Variants in BCO1 observed in about 807,000 individuals in gnomAD.
BCO1 encodes beta,beta-carotene 15,15'-dioxygenase.
BCO1 carries 54 observed loss-of-function variants against 56.3 expected under a neutral mutation model. The observed-to-expected ratio is 0.96, with a 90% CI of 0.77 to 1.20. BCO1 has a LOEUF of 1.20. BCO1 is among the 50% of genes most tolerant of loss of function. The pLI is 0.00. For synonymous variants in BCO1, 318 were observed against 266.1 expected (o/e 1.20, Z -1.90); for missense variants, 801 against 690.9 (o/e 1.16, Z -1.79).
At chr16:81,255,883 T>G (rs547396775) in intron 2 of BCO1, among the ~76,000 whole-genome samples, 6 of 152,038 alleles carry the variant, frequency 3.9e-5, no homozygotes, top group Admixed American at 2.0e-4. Context: ...TGGACTTCAG[T>G]GGCACGATTT....
chr16:81,272,060 TTTTTATGGA>T (rs1387357128), intron 7 of BCO1, among the ~76,000 whole-genome samples: 2 of 151,966 alleles, frequency 1.3e-5, no homozygotes, highest in African/African-American at 4.8e-5. Flanking sequence ...ACTTCATTTC[TTTTTATGGA>T]TTAATAGGTA....
rs761882293 is a variant in BCO1, at chr16:81,268,001, G to A, written c.713G>A (p.Ser238Asn). 1 of 1,613,968 alleles carries A rather than the reference G, an allele frequency of 6.2e-7. No homozygotes were observed. Among genetic ancestry groups the A allele is most frequent in the Non-Finnish European group, 8.5e-7 (1 of 1,180,030 alleles). Residue 238 changes from serine to asparagine, a missense_variant, in exon 6 of 11, where the codon AGC (serine) becomes AAC (asparagine). Transcript: ENST00000258168. ...CTGCTCTCCCCAAGCTACTACCACA[G>A]CTTTGGAGTCACCGAGAACTATGTC... is the stretch of plus-strand genomic sequence containing the variant. ...RSLLSPSYYHSFGVTENYVIF... is the reference protein window; with the variant it reads ...RSLLSPSYYHNFGVTENYVIF...
intron 5 of BCO1, 27 bp downstream of exon 5, chr16:81,264,814 A>G (rs1164811083): frequency 2.5e-6 from 4 of 1,613,246 alleles, no homozygotes; most frequent in Non-Finnish European, 3.4e-6. Context: ...AATTGAATAA[A>G]ACACAAACAA....
Position 81,246,173 on chromosome 16 carries a change from ATC to A in BCO1, c.193+583_193+584del, listed in dbSNP as rs1010629128. Among the ~76,000 whole-genome samples, 3 of 151,136 alleles carry A rather than the reference ATC, an allele frequency of 2.0e-5. No homozygotes were observed. In the East Asian group the frequency reaches 5.9e-4, roughly 30 times the overall value. On this transcript the variant is annotated intron_variant, in intron 2 of 10. Coordinates refer to ENST00000258168, the MANE Select transcript of BCO1 (RefSeq NM_017429.3). ...CAGCAGCAGAGCATCTTGTCTTGCAATCTCTCTCTCTCTCCTTCCATCCTCAC... is the reference window on the plus strand; with the variant it reads ...CAGCAGCAGAGCATCTTGTCTTGCAATCTCTCTCTCTCCTTCCATCCTCAC...
chr16:81,266,294 G>A (rs1468015989), intron 5 of BCO1, among the ~76,000 whole-genome samples: 1 of 152,158 alleles, frequency 6.6e-6, no homozygotes, highest in Non-Finnish European at 1.5e-5. Flanking sequence ...GGAGGCGGAG[G>A]CTCTTAGCCC....
intron 1 of BCO1, among the ~76,000 whole-genome samples, chr16:81,243,491 C>A (rs989945409): frequency 8.0e-6 from 1 of 124,734 alleles, no homozygotes; most frequent in African/African-American, 3.1e-5. Context: ...ATTTATGAGA[C>A]GGAGTCTTGC....
At chr16:81,268,771 G>A (rs942244068) in intron 6 of BCO1, among the ~76,000 whole-genome samples, 2 of 152,042 alleles carry the variant, frequency 1.3e-5, no homozygotes, top group Admixed American at 6.6e-5. Context: ...TACTTGTTGG[G>A]TTTTTATTGT....
intron 2 of BCO1, among the ~76,000 whole-genome samples, chr16:81,253,975 G>T (rs987740414): frequency 6.6e-6 from 1 of 152,052 alleles, no homozygotes; most frequent in Non-Finnish European, 1.5e-5. Context: ...AAAGGAGAAA[G>T]AAATATCTCA....
intron 4 of BCO1, chr16:81,263,391 A>G (rs1906621019): frequency 6.6e-6 from 1 of 152,090 alleles, no homozygotes; most frequent in South Asian, 2.1e-4. Flanking sequence ...GCACCCAACC[A>G]TGTTCTGCCT....
intron 2 of BCO1, among the ~76,000 whole-genome samples, chr16:81,251,837 C>G (rs980001808): frequency 1.4e-5 from 2 of 145,592 alleles, no homozygotes; most frequent in South Asian, 4.3e-4. Context: ...TATATACCCA[C>G]ACACACACAC....
At chr16:81,270,692 C>CTGTGTGTGTGTGTGTGTGTGTGTG (rs58969930) in intron 7 of BCO1, among the ~76,000 whole-genome samples, 1 of 143,694 alleles carries the variant, frequency 7.0e-6, no homozygotes, top group South Asian at 2.3e-4. Flanking sequence ...CTCTCTGTGT[C>CTGTGTGTGTGTGTGTGTGTGTGTG]TGTGTGTGTG....
At chr16:81,256,017 T>C (rs1343751054) in intron 2 of BCO1, among the ~76,000 whole-genome samples, 3 of 151,982 alleles carry the variant, frequency 2.0e-5, no homozygotes, top group South Asian at 2.1e-4. Flanking sequence ...AGTTTCCCCA[T>C]GTTGGCCAGG....
chr16:81,259,986 A>G (rs559423220), intron 3 of BCO1, among the ~76,000 whole-genome samples, 181 bp downstream of exon 3: 67 of 152,362 alleles, frequency 4.4e-4, no homozygotes, highest in African/African-American at 1.5e-3. Flanking sequence ...GACTAAGAGC[A>G]TTTGACAAAT....
chr16:81,287,372 T>C lies in BCO1; in HGVS notation c.1380T>C (p.Phe460=). ...EDDCWPAEPL[F]VPAPGAKDED... ...ACTGCTGGCCAGCGGAACCCCTGTT[T>C]GTGCCCGCGCCAGGTGCCAAGGATG... Residue 460 remains phenylalanine (F), a synonymous_variant, in exon 10 of 11, where the codon TTT becomes TTC. Transcript: ENST00000258168. The C allele has an allele frequency of 6.2e-7, 1 of 1,614,066 alleles. No individual in the cohort carries two copies. Among genetic ancestry groups the C allele is most frequent in the Non-Finnish European group, 8.5e-7 (1 of 1,179,984 alleles).
chr16:81,268,739 G>A (rs80070823), intron 6 of BCO1, among the ~76,000 whole-genome samples: 6,876 of 152,224 alleles, frequency 0.045, 239 homozygotes, highest in Non-Finnish European at 0.071. Flanking sequence ...ATGGGTGTAT[G>A]TATGTATTAC....
At chr16:81,287,192 T>C (rs1437074814) in intron 9 of BCO1, 103 bp from the exon 10 acceptor site, 2 of 888,670 alleles carry the variant, frequency 2.3e-6, no homozygotes, top group Non-Finnish European at 3.8e-6. Context: ...CTACATCCGA[T>C]GGGCTTCATC....
At position 81,262,209 on chromosome 16, in the gene BCO1, G is replaced by A. The variant is rs1209690264; in HGVS notation, c.397G>A (p.Glu133Lys). 8.7e-6 allele frequency: 14 copies of A among 1,613,794 alleles called. No homozygotes were observed. The highest frequency in any genetic ancestry group is 1.3e-5 in the African/African-American group (1 of 74,906). The change falls in exon 4 of 11, where the codon GAA (glutamate) becomes AAA (lysine). Residue 133 changes from glutamate (E) to lysine (K), a missense_variant. Coordinates refer to ENST00000258168, the MANE Select transcript of BCO1 (RefSeq NM_017429.3). ...NCLINIMKCG[E>K]DFYATSETNY... ...CCTGATCAACATCATGAAGTGCGGA[G>A]AAGACTTCTACGCGACCTCAGAGAC...
intron 7 of BCO1, among the ~76,000 whole-genome samples, chr16:81,274,597 G>A (rs1211336213): frequency 2.0e-5 from 3 of 151,246 alleles, no homozygotes; most frequent in Non-Finnish European, 2.9e-5. Flanking sequence ...GCCATCAGGT[G>A]TTCAGGCACA....
chr16:81,264,457 A>G (rs188873529), intron 4 of BCO1, among the ~76,000 whole-genome samples, 183 bp from the exon 5 acceptor site: 2 of 152,348 alleles, frequency 1.3e-5, no homozygotes, highest in East Asian at 3.9e-4. Context: ...CTTCTTTAAA[A>G]GCAAATTCTG....
Sources: gnomAD v4.1 joint callset for allele counts (sites outside exome capture counted in the v4.1 genomes callset) on GRCh38, gnomAD v4.1.1 for gene constraint, MANE v1.5 for transcripts, NCBI Gene and HGNC (gene_info 2026-07-23, HGNC 2026-07-21) for gene names.